Variants in SLC30A8 observed in about 807,000 individuals in gnomAD.
SLC30A8 encodes the protein proton-coupled zinc antiporter SLC30A8.
SLC30A8 carries 27 observed loss-of-function variants against 36.9 expected under a neutral mutation model. That is an observed-to-expected ratio of 0.73 (90% CI 0.54 to 1.01). The LOEUF (loss-of-function observed/expected upper bound fraction) is 1.01. Ranked by LOEUF, SLC30A8 falls within the 50% of genes least tolerant of loss-of-function variation. SLC30A8 has a pLI of 0.00. For missense variants in SLC30A8, 439 were observed against 452.0 expected (o/e 0.97, Z 0.26); for synonymous variants, 164 against 172.4 (o/e 0.95, Z 0.38).
intron 1 of SLC30A8, among the ~76,000 whole-genome samples, chr8:117,033,608 G>A (rs910953994): frequency 6.6e-6 from 1 of 152,204 alleles, no homozygotes; most frequent in Non-Finnish European, 1.5e-5. Flanking sequence ...CTTTGAAATG[G>A]TTAGTTTTAT....
chr8:116,985,582 A>G (rs754352102), intron 1 of SLC30A8, among the ~76,000 whole-genome samples: 1 of 152,156 alleles, frequency 6.6e-6, no homozygotes, highest in Non-Finnish European at 1.5e-5. Context: ...AAATTCTTAA[A>G]TTACAGGTAT....
intron 1 of SLC30A8, among the ~76,000 whole-genome samples, chr8:117,030,693 T>C (rs1462760783): frequency 1.3e-5 from 2 of 151,778 alleles, no homozygotes; most frequent in African/African-American, 2.4e-5. Flanking sequence ...GTCTAGGTTT[T>C]GCTGAGTTAT....
intron 1 of SLC30A8, among the ~76,000 whole-genome samples, chr8:117,011,900 G>A (rs993879200): frequency 2.2e-4 from 33 of 152,282 alleles, no homozygotes; most frequent in Middle Eastern, 3.4e-3. Context: ...TGAGTAATGT[G>A]AATTTTATTA....
intron 2 of SLC30A8, among the ~76,000 whole-genome samples, chr8:117,089,980 A>ATT (rs35697541): frequency 2.7e-5 from 4 of 148,958 alleles, no homozygotes; most frequent in African/African-American, 7.4e-5. Context: ...ATTCCTAATA[A>ATT]TTTTTTTTTT....
At chr8:117,121,072 AAAT>A (rs1422293915) in intron 2 of SLC30A8, among the ~76,000 whole-genome samples, 3 of 151,890 alleles carry the variant, frequency 2.0e-5, no homozygotes, top group Admixed American at 1.3e-4. Flanking sequence ...CCACTATGGA[AAAT>A]AATAATATGA....
At chr8:117,116,224 G>C (rs959878323) in intron 2 of SLC30A8, among the ~76,000 whole-genome samples, 2 of 152,016 alleles carry the variant, frequency 1.3e-5, no homozygotes, top group African/African-American at 4.8e-5. Context: ...TTTGAATTTT[G>C]TTCTGAGTGT....
chr8:117,064,059 G>A (rs945345800), intron 2 of SLC30A8, among the ~76,000 whole-genome samples: 1 of 151,516 alleles, frequency 6.6e-6, no homozygotes, highest in Non-Finnish European at 1.5e-5. Context: ...GTGCAATGAT[G>A]TGATCTCCAC....
upstream of SLC30A8, among the ~76,000 whole-genome samples, chr8:117,130,519 C>CTATTAT (rs148782579): frequency 5.9e-5 from 9 of 151,500 alleles, no homozygotes; most frequent in Non-Finnish European, 8.8e-5. Flanking sequence ...CAAGAGGGCT[C>CTATTAT]TATTATTATT....
Position 117,040,645 on chromosome 8 carries a change from A to C in SLC30A8, c.-226+1387A>C, listed in dbSNP as rs1014907446. Among the ~76,000 whole-genome samples the C allele has an allele frequency of 3.9e-5, 6 of 152,234 alleles. No homozygotes were observed. In the East Asian group the frequency reaches 7.7e-4, roughly 20 times the overall value. On this transcript the variant is annotated intron_variant, in intron 2 of 10. Transcript: ENST00000427715. The stretch of plus-strand genomic sequence containing the variant: ...CAAGTAAATACAGGATCAAAATGGT[A>C]ATGAAATGAATTCATTTTTGCAAGC...
At chr8:117,069,206 G>T (rs1482756326) in intron 2 of SLC30A8, among the ~76,000 whole-genome samples, 1 of 152,028 alleles carries the variant, frequency 6.6e-6, no homozygotes, top group Non-Finnish European at 1.5e-5. Context: ...CTACATTTCA[G>T]TTGCTTATTA....
chr8:117,024,009 A>G (rs1182827006), intron 1 of SLC30A8, among the ~76,000 whole-genome samples: 1 of 152,132 alleles, frequency 6.6e-6, no homozygotes, highest in African/African-American at 2.4e-5. Flanking sequence ...TTTTCTGGCT[A>G]TTTGGCATAA....
intron 1 of SLC30A8, among the ~76,000 whole-genome samples, chr8:117,009,622 T>C (rs957409460): frequency 6.8e-6 from 1 of 147,388 alleles, no homozygotes. Flanking sequence ...CAAAACACTT[T>C]CTGATGTGAA....
chr8:117,166,710 T>C (rs17745669), intron 6 of SLC30A8, among the ~76,000 whole-genome samples: 5,736 of 151,770 alleles, frequency 0.038, 291 homozygotes, highest in African/African-American at 0.11. Flanking sequence ...CAGTGAGAGC[T>C]AGAAGTTTGC....
At chr8:117,007,743 G>A (rs772746538) in intron 1 of SLC30A8, among the ~76,000 whole-genome samples, 9 of 152,154 alleles carry the variant, frequency 5.9e-5, no homozygotes, top group Admixed American at 1.3e-4. Flanking sequence ...GGCATAGAGA[G>A]ATTAAATAAC....
chr8:117,156,278 G>A (rs1407698932), intron 3 of SLC30A8, among the ~76,000 whole-genome samples: 1 of 152,078 alleles, frequency 6.6e-6, no homozygotes, highest in Non-Finnish European at 1.5e-5. Context: ...ATTGACCTCA[G>A]GCAATCCGCT....
chr8:116,963,568 C>T lies in SLC30A8; in HGVS notation c.-266+12449C>T, dbSNP rs536015224. Among the ~76,000 whole-genome samples, 8 of 152,284 alleles carry T rather than the reference C, an allele frequency of 5.3e-5. No homozygotes were observed. The South Asian group carries it at 8.3e-4, about 16-fold the overall frequency. Reference sequence around the variant, plus strand: ...ACTTAGCATAGTATTTTTTAGGTTTCGTCCATATTGCATTAGTGCATCCTT... The same window carrying T: ...ACTTAGCATAGTATTTTTTAGGTTTTGTCCATATTGCATTAGTGCATCCTT... On this transcript the variant is annotated intron_variant, in intron 1 of 10. Coordinates refer to the SLC30A8 transcript ENST00000427715.
At chr8:117,129,627 A>G (rs1586561191) in intron 2 of SLC30A8, among the ~76,000 whole-genome samples, 1 of 152,018 alleles carries the variant, frequency 6.6e-6, no homozygotes, top group Non-Finnish European at 1.5e-5. Context: ...ATATATATGT[A>G]ATACCTAAAA....
chr8:116,992,415 A>G (rs1198775698), intron 1 of SLC30A8, among the ~76,000 whole-genome samples: 5 of 152,220 alleles, frequency 3.3e-5, no homozygotes, highest in Non-Finnish European at 7.3e-5. Flanking sequence ...GCCAAGATTC[A>G]ATAGGCAAAG....
intron 2 of SLC30A8, among the ~76,000 whole-genome samples, chr8:117,068,077 A>G (rs1446182368): frequency 6.6e-6 from 1 of 152,196 alleles, no homozygotes; most frequent in African/African-American, 2.4e-5. Flanking sequence ...CCTAATGAAA[A>G]TCAATCTTTT....
Sources: allele counts gnomAD v4.1 joint callset (sites outside exome capture counted in the v4.1 genomes callset), GRCh38; gene constraint gnomAD v4.1.1; transcripts MANE v1.5; gene names NCBI Gene and HGNC (gene_info 2026-07-23, HGNC 2026-07-21).